The following NAALADL2 variants were observed in gnomAD, a reference collection of about 807,000 sequenced individuals.
NAALADL2 encodes inactive N-acetylated-alpha-linked acidic dipeptidase-like protein 2.
NAALADL2 carries 76 observed loss-of-function variants against 87.2 expected under a neutral mutation model. That is an observed-to-expected ratio of 0.87 (90% CI 0.72 to 1.05). The LOEUF (loss-of-function observed/expected upper bound fraction) is 1.05, where lower values mean the gene tolerates loss of function less well. NAALADL2 is among the 50% of genes least tolerant of loss of function. The pLI is 0.00. For missense variants in NAALADL2, 1,089 were observed against 945.8 expected (o/e 1.15, Z -1.99); for synonymous variants, 354 against 331.0 (o/e 1.07, Z -0.75).
intron 3 of NAALADL2, among the ~76,000 whole-genome samples, chr3:174,815,480 A>G (rs1720682417): frequency 6.6e-6 from 1 of 152,158 alleles, no homozygotes; most frequent in South Asian, 2.1e-4. Flanking sequence ...GCTGGAGTGC[A>G]GTGGCACAAT....
chr3:174,640,331 A>G (rs940540274), intron 2 of NAALADL2, among the ~76,000 whole-genome samples: 2 of 152,154 alleles, frequency 1.3e-5, no homozygotes, highest in African/African-American at 4.8e-5. Flanking sequence ...AGGGTGTCCA[A>G]CCCTTAAAGG....
intron 10 of NAALADL2, among the ~76,000 whole-genome samples, chr3:175,613,629 G>C (rs906372563): frequency 2.0e-5 from 3 of 152,190 alleles, no homozygotes; most frequent in African/African-American, 7.2e-5. Context: ...TTTGGCTATT[G>C]TCTATAGTAT....
intron 11 of NAALADL2, among the ~76,000 whole-genome samples, chr3:175,716,824 A>G (rs1741370073): frequency 6.6e-6 from 1 of 152,132 alleles, no homozygotes; most frequent in African/African-American, 2.4e-5. Context: ...GTTTTGGAGG[A>G]GTCTAATTTT....
At chr3:175,509,394 A>G (rs1192529507) in intron 9 of NAALADL2, among the ~76,000 whole-genome samples, 1 of 152,096 alleles carries the variant, frequency 6.6e-6, no homozygotes, top group Non-Finnish European at 1.5e-5. Context: ...CAACGTGAAC[A>G]TCTCTCTTAT....
rs528686954 is a variant in NAALADL2 at position 175,364,668 on chromosome 3, T to C, written c.1090+40343T>C. Among the ~76,000 whole-genome samples the C allele has an allele frequency of 3.4e-5, 5 of 147,942 alleles. 1 individual carries two copies. The highest frequency in any genetic ancestry group is 6.9e-5 in the Admixed American group (1 of 14,418). ...TCCCACCAGTTCCTTCTTGCCTAAA[T>C]TAATGGAGTTCTAATCTCCATTTTT... is the stretch of plus-strand genomic sequence containing the variant. On this transcript the variant is annotated intron_variant, in intron 5 of 13. Transcript: ENST00000454872.
chr3:174,939,085 T>G (rs919131603), intron 1 of NAALADL2, among the ~76,000 whole-genome samples: 2 of 152,096 alleles, frequency 1.3e-5, no homozygotes, highest in Non-Finnish European at 2.9e-5. Context: ...CTATGTCCAT[T>G]CCTATATCCA....
chr3:175,809,025 G>T lies in NAALADL2; in HGVS notation c.*5822G>T, dbSNP rs1233729079. 6.6e-6 allele frequency: 1 copy of T among 151,742 alleles called. No individual in the cohort carries two copies. The highest frequency in any genetic ancestry group is 1.5e-5 in the Non-Finnish European group (1 of 67,920). The allele number at this position is 151,742 out of a possible 1,614,324, so 9.4% of individuals were successfully genotyped here. The stretch of plus-strand genomic sequence containing the variant: ...AGTGTTTTATATTTTGAATTTCTTA[G>T]ATGCTTTCAGTGTATGTGCTAGTGT... On this transcript the variant is annotated 3_prime_UTR_variant, in exon 14 of 14. Transcript: ENST00000454872.
intron 2 of NAALADL2, among the ~76,000 whole-genome samples, chr3:174,714,639 A>T (rs1731005897): frequency 1.3e-5 from 2 of 152,278 alleles, no homozygotes; most frequent in Non-Finnish European, 2.9e-5. Context: ...ATTTTTGCAC[A>T]TTGATTTTGT....
At chr3:175,548,508 G>A (rs1259826985) in intron 9 of NAALADL2, among the ~76,000 whole-genome samples, 1 of 151,818 alleles carries the variant, frequency 6.6e-6, no homozygotes, top group Non-Finnish European at 1.5e-5. Context: ...CATGACACAA[G>A]TTTACCTATG....
intron 2 of NAALADL2, among the ~76,000 whole-genome samples, chr3:175,194,399 C>T (rs1368535338): frequency 1.3e-5 from 2 of 151,798 alleles, no homozygotes; most frequent in Non-Finnish European, 1.5e-5. Flanking sequence ...GAAATCATCC[C>T]AATCTAAGAA....
At chr3:175,582,067 C>T (rs1719862950) in intron 10 of NAALADL2, among the ~76,000 whole-genome samples, 1 of 152,102 alleles carries the variant, frequency 6.6e-6, no homozygotes, top group East Asian at 1.9e-4. Context: ...GGTTAAACTC[C>T]AATCAACAAA....
intron 1 of NAALADL2, among the ~76,000 whole-genome samples, chr3:175,011,272 C>CAGAGAGAGAGAGAGAG (rs1408169414): frequency 7.2e-5 from 8 of 110,362 alleles, no homozygotes; most frequent in South Asian, 3.2e-4. Flanking sequence ...GGGAGAGAGA[C>CAGAGAGAGAGAGAGAG]AGAGAGACAG....
chr3:175,651,140 T>C (rs1730706883), intron 11 of NAALADL2, among the ~76,000 whole-genome samples: 1 of 152,202 alleles, frequency 6.6e-6, no homozygotes, highest in South Asian at 2.1e-4. Flanking sequence ...TGTGTATAAT[T>C]CGTGTATTTT....
At chr3:174,918,480 G>T (rs1734709502) in intron 1 of NAALADL2, among the ~76,000 whole-genome samples, 2 of 152,174 alleles carry the variant, frequency 1.3e-5, no homozygotes, top group South Asian at 4.1e-4. Context: ...TCACTAGCCT[G>T]CAGCTCAGCT....
At chr3:175,573,785 C>G (rs987976204) in intron 9 of NAALADL2, among the ~76,000 whole-genome samples, 22 of 152,028 alleles carry the variant, frequency 1.4e-4, no homozygotes, top group African/African-American at 5.3e-4. Flanking sequence ...CCCCCACTTT[C>G]GAAAAATTCA....
At chr3:174,656,903 A>G (rs192629174) in intron 2 of NAALADL2, among the ~76,000 whole-genome samples, 3 of 152,080 alleles carry the variant, frequency 2.0e-5, no homozygotes, top group Admixed American at 1.3e-4. Flanking sequence ...TTCTTTCGGC[A>G]CCTCGAAAAG....
At chr3:175,774,009 G>A (rs1437254805) in intron 13 of NAALADL2, among the ~76,000 whole-genome samples, 3 of 152,098 alleles carry the variant, frequency 2.0e-5, no homozygotes, top group Admixed American at 6.6e-5. Context: ...ATTGGAGCTT[G>A]AAGGTCAAGG....
intron 2 of NAALADL2, among the ~76,000 whole-genome samples, chr3:175,131,036 T>C (rs1560066471): frequency 1.3e-5 from 2 of 152,220 alleles, no homozygotes; most frequent in Non-Finnish European, 2.9e-5. Flanking sequence ...CTAATTCATG[T>C]ACATGCTATA....
intron 1 of NAALADL2, among the ~76,000 whole-genome samples, chr3:175,068,315 AT>A (rs1714934982): frequency 1.3e-5 from 2 of 152,228 alleles, no homozygotes; most frequent in African/African-American, 4.8e-5. Flanking sequence ...GGAATGGATG[AT>A]TTTTAAAAGT....
Sources: allele counts gnomAD v4.1 joint callset (sites outside exome capture counted in the v4.1 genomes callset), GRCh38; gene constraint gnomAD v4.1.1; transcripts MANE v1.5; gene names NCBI Gene and HGNC (gene_info 2026-07-23, HGNC 2026-07-21).